The following OPCML variants were observed in gnomAD, a reference collection of about 807,000 sequenced individuals.
OPCML encodes the protein opioid binding protein/cell adhesion molecule like.
In OPCML, 13 loss-of-function variants were observed where a neutral mutation model predicts 37.8. The observed-to-expected ratio is 0.34, with a 90% CI of 0.22 to 0.55. OPCML has a LOEUF of 0.55. Ranked by LOEUF, OPCML falls within the 20% of genes least tolerant of loss-of-function variation. OPCML has a pLI of 0.91. For synonymous variants in OPCML, 176 were observed against 168.8 expected, an observed-to-expected ratio of 1.04 and a Z score of -0.33; for missense variants, 341 against 435.6, an observed-to-expected ratio of 0.78 and a Z score of 1.93.
At chr11:132,715,021 G>T (rs76171910) in intron 2 of OPCML, among the ~76,000 whole-genome samples, 1 of 152,252 alleles carries the variant, frequency 6.6e-6, no homozygotes, top group Non-Finnish European at 1.5e-5. Context: ...ACTTAATGGG[G>T]TCTCTGCCAT....
chr11:133,332,464 TGAATAGAAGTGGTGAGA>T (rs1329715452), intron 1 of OPCML, among the ~76,000 whole-genome samples: 4 of 152,236 alleles, frequency 2.6e-5, no homozygotes, highest in East Asian at 1.9e-4. Flanking sequence ...CATACTATGT[TGAATAGAAGTGGTGAGA>T]GAATAGAAGT....
chr11:133,242,270 G>T (rs567371627), intron 1 of OPCML, among the ~76,000 whole-genome samples: 4 of 152,210 alleles, frequency 2.6e-5, no homozygotes, highest in Middle Eastern at 3.4e-3. Context: ...GCTTCAGAGC[G>T]GCAAAGTGAT....
At chr11:133,122,481 G>C (rs1949437163) in intron 1 of OPCML, among the ~76,000 whole-genome samples, 1 of 152,040 alleles carries the variant, frequency 6.6e-6, no homozygotes, top group African/African-American at 2.4e-5. Context: ...GGCACTTCTG[G>C]GCAGGAGGCC....
chr11:133,519,918 C>A (rs971704780), intron 1 of OPCML, among the ~76,000 whole-genome samples: 8 of 152,304 alleles, frequency 5.3e-5, no homozygotes, highest in Non-Finnish European at 1.2e-4. Flanking sequence ...GTGAGACAGA[C>A]CTGGGGCTGG....
intron 2 of OPCML, among the ~76,000 whole-genome samples, chr11:132,720,262 A>C (rs1365492081): frequency 1.3e-5 from 2 of 152,196 alleles, no homozygotes; most frequent in African/African-American, 4.8e-5. Flanking sequence ...ATCTGATGGC[A>C]TCTGTACCCC....
At chr11:132,971,384 C>T (rs1946340173) in intron 1 of OPCML, among the ~76,000 whole-genome samples, 1 of 152,142 alleles carries the variant, frequency 6.6e-6, no homozygotes, top group Non-Finnish European at 1.5e-5. Context: ...AAATGAACAA[C>T]AGATTTTCAT....
At chr11:132,886,849 GT>G (rs1018083270) in intron 2 of OPCML, among the ~76,000 whole-genome samples, 54 of 152,284 alleles carry the variant, frequency 3.5e-4, no homozygotes, top group Non-Finnish European at 7.8e-4. Context: ...GACCTTGAGT[GT>G]TTCCTGACTT....
At chr11:133,070,427 CA>C (rs1472507272) in intron 1 of OPCML, among the ~76,000 whole-genome samples, 2 of 152,150 alleles carry the variant, frequency 1.3e-5, no homozygotes, top group Admixed American at 6.5e-5. Flanking sequence ...CTCAAGATTT[CA>C]TAATCTCTAC....
intron 1 of OPCML, among the ~76,000 whole-genome samples, chr11:133,330,467 A>G (rs957669856): frequency 2.0e-5 from 3 of 152,318 alleles, no homozygotes; most frequent in African/African-American, 7.2e-5. Flanking sequence ...CTGGATTAAG[A>G]AAATGTGGCA....
chr11:133,322,494 A>G (rs1045310850), intron 1 of OPCML, among the ~76,000 whole-genome samples: 13 of 152,328 alleles, frequency 8.5e-5, no homozygotes, highest in African/African-American at 2.9e-4. Flanking sequence ...TGAATTAACA[A>G]GACTGGGGTG....
intron 4 of OPCML, among the ~76,000 whole-genome samples, chr11:132,466,260 C>T (rs533038479): frequency 8.1e-5 from 12 of 148,772 alleles, no homozygotes; most frequent in East Asian, 2.0e-4. Flanking sequence ...CCGAGGCGGG[C>T]GGATCACGAG....
At chr11:133,502,416 G>C (rs1030961061) in intron 1 of OPCML, among the ~76,000 whole-genome samples, 1 of 152,178 alleles carries the variant, frequency 6.6e-6, no homozygotes, top group Non-Finnish European at 1.5e-5. Flanking sequence ...CGTCCAAACC[G>C]GCTGACAAGC....
chr11:132,997,505 T>A (rs567371682), intron 1 of OPCML, among the ~76,000 whole-genome samples: 1 of 152,314 alleles, frequency 6.6e-6, no homozygotes, highest in South Asian at 2.1e-4. Flanking sequence ...ATCCCAGATA[T>A]GACTGGGGAC....
At chr11:132,742,606 A>T (rs1022653698) in intron 2 of OPCML, among the ~76,000 whole-genome samples, 1 of 151,944 alleles carries the variant, frequency 6.6e-6, no homozygotes, top group African/African-American at 2.4e-5. Context: ...TATCTCTGGT[A>T]TTTTTGGTAT....
intron 1 of OPCML, among the ~76,000 whole-genome samples, chr11:133,013,865 C>A (rs572320251): frequency 3.2e-4 from 48 of 152,156 alleles, no homozygotes; most frequent in South Asian, 6.2e-4. Flanking sequence ...CCAAAATTTG[C>A]CACCTCAGAA....
chr11:132,543,242 T>G (rs1008535138), intron 3 of OPCML, among the ~76,000 whole-genome samples: 8 of 152,182 alleles, frequency 5.3e-5, no homozygotes, highest in Non-Finnish European at 1.2e-4. Flanking sequence ...CCAGGAGTGG[T>G]GGCTCACACA....
intron 1 of OPCML, among the ~76,000 whole-genome samples, chr11:133,162,428 C>T (rs1276120976): frequency 6.6e-6 from 1 of 152,200 alleles, no homozygotes; most frequent in Non-Finnish European, 1.5e-5. Context: ...GCAACTCTAG[C>T]TCATGTTTGC....
intron 2 of OPCML, among the ~76,000 whole-genome samples, chr11:132,804,455 C>A (rs1938876384): frequency 6.6e-6 from 1 of 152,124 alleles, no homozygotes; most frequent in Admixed American, 6.5e-5. Context: ...CCCCACTGAG[C>A]AAGACAAGCA....
chr11:133,279,281 T>A (rs1168851831), intron 1 of OPCML, among the ~76,000 whole-genome samples: 1 of 152,208 alleles, frequency 6.6e-6, no homozygotes, highest in Non-Finnish European at 1.5e-5. Context: ...GCTCTGATCC[T>A]CTCAGAATAG....
Sources: gnomAD v4.1 joint callset for allele counts (sites outside exome capture counted in the v4.1 genomes callset) on GRCh38, gnomAD v4.1.1 for gene constraint, MANE v1.5 for transcripts, NCBI Gene and HGNC (gene_info 2026-07-23, HGNC 2026-07-21) for gene names.